PHYHD1: variants seen among roughly 807,000 people sequenced by gnomAD.
PHYHD1 encodes phytanoyl-CoA dioxygenase domain-containing protein 1.
A neutral mutation model predicts 43.6 loss-of-function variants in PHYHD1; 42 were observed. The ratio of observed to expected loss-of-function variants is 0.96; its 90% CI spans 0.75 to 1.25. The LOEUF (loss-of-function observed/expected upper bound fraction) is 1.25. Among genes scored for constraint, PHYHD1 ranks in the 50% most tolerant of loss-of-function variants. The pLI, the probability that PHYHD1 is intolerant of heterozygous loss-of-function variation, is 0.00. For missense variants in PHYHD1, 342 were observed against 370.8 expected, an observed-to-expected ratio of 0.92 and a Z score of 0.64; for synonymous variants, 139 against 143.6, an observed-to-expected ratio of 0.97 and a Z score of 0.23.
chr9:128,932,405 T>C (rs2131106756), intron 4 of PHYHD1, among the ~76,000 whole-genome samples: 1 of 152,082 alleles, frequency 6.6e-6, no homozygotes, highest in Middle Eastern at 3.4e-3. Flanking sequence ...TTCGCTCTTG[T>C]TGCCCAGGGT....
At chr9:128,928,777 A>G (rs1247093243) in intron 4 of PHYHD1, among the ~76,000 whole-genome samples, 1 of 152,170 alleles carries the variant, frequency 6.6e-6, no homozygotes, top group Non-Finnish European at 1.5e-5. Context: ...AGAGCTTGGC[A>G]TGGTGCCCAG....
chr9:128,940,439 AGTG>A lies in PHYHD1; in HGVS notation c.530_532del (p.Val177del). 6.2e-7 allele frequency: 1 copy of A among 1,613,518 alleles called. No individual in the cohort carries two copies. Among genetic ancestry groups the A allele is most frequent in the Non-Finnish European group, 8.5e-7 (1 of 1,179,772 alleles). On this transcript the variant is annotated inframe_deletion, in exon 10 of 13. Transcript: ENST00000372592. ...GCCGGGTGCTGGGCGTGTGGATCGC[AGTG>A]GAGGATGCCACGCTGGAGAACGGCT...
chr9:128,936,379 T>A, intron 6 of PHYHD1, 69 bp from the exon 7 acceptor site: 3 of 1,552,960 alleles, frequency 1.9e-6, no homozygotes, highest in Non-Finnish European at 2.6e-6. Context: ...TGAGTGTGGG[T>A]GCCCAGAGCT....
At position 128,927,111 on chromosome 9, in the gene PHYHD1, T is replaced by C. The variant is rs113058519; in HGVS notation, c.107T>C (p.Ile36Thr). Reference sequence around the variant, plus strand: ...GAGTGTGTGGCCATGCAACAAAGGATTGGCGAGATAGTGGCTGAAATGGAT... The same window carrying C: ...GAGTGTGTGGCCATGCAACAAAGGACTGGCGAGATAGTGGCTGAAATGGAT... The part of the protein sequence containing the change: ...AEECVAMQQR[I>T]GEIVAEMDVP... Residue 36 changes from isoleucine (I) to threonine (T), a missense_variant, in exon 4 of 13, where the codon ATT (isoleucine) becomes ACT (threonine). Transcript: ENST00000372592. 5 of 1,614,032 alleles carry C rather than the reference T, an allele frequency of 3.1e-6. No individual in the cohort carries two copies. The highest frequency in any genetic ancestry group is 1.7e-5 in the Admixed American group (1 of 59,992).
chr9:128,932,819 C>CTTTA (rs1168989180), intron 4 of PHYHD1, among the ~76,000 whole-genome samples: 2 of 126,054 alleles, frequency 1.6e-5, no homozygotes, highest in East Asian at 5.0e-4. Context: ...TATTATTATT[C>CTTTA]CTTATTTATT....
chr9:128,935,433 G>A (rs1056991186), intron 6 of PHYHD1, among the ~76,000 whole-genome samples: 5 of 151,110 alleles, frequency 3.3e-5, no homozygotes, highest in African/African-American at 1.2e-4. Flanking sequence ...GACCATCCTG[G>A]CTAACACAGT....
chr9:128,936,709 C>G, intron 8 of PHYHD1, 64 bp downstream of exon 8: 9 of 1,516,122 alleles, frequency 5.9e-6, no homozygotes, highest in Non-Finnish European at 8.0e-6. Context: ...CATACCAAGC[C>G]CTTCCTTACA....
At chr9:128,929,851 A>G (rs769875551) in intron 4 of PHYHD1, among the ~76,000 whole-genome samples, 2 of 152,044 alleles carry the variant, frequency 1.3e-5, no homozygotes, top group Non-Finnish European at 2.9e-5. Flanking sequence ...CCATCCAGGC[A>G]TGGTGGCTCA....
intron 6 of PHYHD1, among the ~76,000 whole-genome samples, chr9:128,935,073 CT>C (rs1841392167): frequency 6.6e-6 from 1 of 152,146 alleles, no homozygotes; most frequent in Admixed American, 6.6e-5. Flanking sequence ...AAAACCCTCA[CT>C]TTTTTTCTTT....
chr9:128,932,833 T>C (rs1369144417), intron 4 of PHYHD1, among the ~76,000 whole-genome samples: 4,883 of 134,830 alleles, frequency 0.036, 274 homozygotes, highest in African/African-American at 0.14. Context: ...ATTTATTTAT[T>C]TATTTATTTA....
In PHYHD1 at chr9:128,941,444, G is replaced by T; in HGVS notation, c.704-1G>T. The T allele has an allele frequency of 6.2e-7, 1 of 1,613,122 alleles. No homozygotes were observed. On this transcript the variant is annotated splice_acceptor_variant, in intron 11 of 12. Coordinates refer to ENST00000372592, the MANE Select transcript of PHYHD1 (RefSeq NM_001100876.2). LOFTEE classifies it high-confidence loss of function. ...TCCTGACCTGCTTGTGTCTCTGCCA[G>T]GGGCCCTGGTCCTCATCCATGGAGA...
intron 11 of PHYHD1, 41 bp from the exon 12 acceptor site, chr9:128,941,404 G>A (rs748476812): frequency 1.9e-6 from 3 of 1,605,606 alleles, no homozygotes; most frequent in East Asian, 2.2e-5. Flanking sequence ...GAGGGGGGAT[G>A]TGGGGCTGGT....
intron 3 of PHYHD1, among the ~76,000 whole-genome samples, chr9:128,925,279 G>T (rs527691579): frequency 6.6e-6 from 1 of 150,536 alleles, no homozygotes; most frequent in African/African-American, 2.4e-5. Flanking sequence ...AGGCTAGAGC[G>T]CAGTGGCGTG....
intron 6 of PHYHD1, 120 bp from the exon 7 acceptor site, chr9:128,936,328 G>T: frequency 7.4e-7 from 1 of 1,359,344 alleles, no homozygotes; most frequent in Non-Finnish European, 1.0e-6. Flanking sequence ...CAAGCAGAAG[G>T]GTTAATGCCT....
At chr9:128,922,261 T>C (rs1158197939) in intron 2 of PHYHD1, 22 bp from the exon 3 acceptor site, 4 of 1,547,364 alleles carry the variant, frequency 2.6e-6, no homozygotes, top group East Asian at 2.5e-5. Context: ...CCCAGGCTCC[T>C]AAACTTTCTC....
rs1249985994 is a variant in PHYHD1, at chr9:128,922,312, C to G, written c.-12C>G. On this transcript the variant is annotated 5_prime_UTR_variant, in exon 3 of 13. Coordinates refer to ENST00000372592, the MANE Select transcript of PHYHD1 (RefSeq NM_001100876.2). ...CCGCGCTTAGAAGCCGCCCAGTGCC[C>G]TGAGCGTCTCCATGGCCTGCCTGAG... The G allele has an allele frequency of 6.4e-7, 1 of 1,551,400 alleles. No individual in the cohort carries two copies. Among genetic ancestry groups the G allele is most frequent in the African/African-American group, 1.4e-5 (1 of 73,148 alleles).
rs1050761524 is a variant in PHYHD1 at position 128,921,014 on chromosome 9, G to T, written c.-814G>T. 2 of 152,304 alleles carry T rather than the reference G, an allele frequency of 1.3e-5. No individual in the cohort carries two copies. The highest frequency in any genetic ancestry group is 4.8e-5 in the African/African-American group (2 of 41,464). 9.4% of individuals were successfully genotyped at this position (152,304 alleles called of 1,614,324 possible). On this transcript the variant is annotated 5_prime_UTR_variant, in exon 1 of 13. Transcript: ENST00000372592. The stretch of plus-strand genomic sequence containing the variant: ...AGGCATCATTTTGGGGAAGGCAGCA[G>T]CCGGTTTTTCAGAGCCAGCGAGTGG...
Position 128,922,731 on chromosome 9 carries a change from C to T in PHYHD1, c.33+375C>T, listed in dbSNP as rs568747887. ...TGTTCGTCCAATCACAAAAGGCTACCTCGTAGGAATTAGTGTGCAACAGCC... is the reference window on the plus strand; with the variant it reads ...TGTTCGTCCAATCACAAAAGGCTACTTCGTAGGAATTAGTGTGCAACAGCC... On this transcript the variant is annotated intron_variant, in intron 3 of 12. Transcript: ENST00000372592. Among the ~76,000 whole-genome samples the T allele has an allele frequency of 5.6e-4, 86 of 152,340 alleles. 1 individual carries two copies. The highest frequency in any genetic ancestry group is 1.8e-3 in the African/African-American group (73 of 41,568).
At position 128,940,447 on chromosome 9, in the gene PHYHD1, A is replaced by C; in HGVS notation, c.536A>C (p.Asp179Ala). ...CTGGGCGTGTGGATCGCAGTGGAGG[A>C]TGCCACGCTGGAGAACGGCTGTCTC... is the stretch of plus-strand genomic sequence containing the variant. ...RVLGVWIAVE[D>A]ATLENGCLWF... The change falls in exon 10 of 13, where the codon GAT (aspartate) becomes GCT (alanine). Residue 179 changes from aspartate to alanine, a missense_variant. Coordinates refer to ENST00000372592, the MANE Select transcript of PHYHD1 (RefSeq NM_001100876.2). The C allele has an allele frequency of 6.2e-7, 1 of 1,613,108 alleles. No homozygotes were observed. Among genetic ancestry groups the C allele is most frequent in the African/African-American group, 1.3e-5 (1 of 74,658 alleles).
Sources: allele counts gnomAD v4.1 joint callset (sites outside exome capture counted in the v4.1 genomes callset), GRCh38; gene constraint gnomAD v4.1.1; transcripts MANE v1.5; gene names NCBI Gene and HGNC (gene_info 2026-07-23, HGNC 2026-07-21).